Variants in LYPD6 observed in about 807,000 individuals in gnomAD.
LYPD6 encodes the protein LY6/PLAUR domain containing 6.
Under a neutral mutation model 22.7 loss-of-function variants are expected in LYPD6, and 15 were observed. That is an observed-to-expected ratio of 0.66 (90% CI 0.44 to 1.02). The LOEUF (loss-of-function observed/expected upper bound fraction) is 1.02. Ranked by LOEUF, LYPD6 falls within the 50% of genes least tolerant of loss-of-function variation. The pLI is 0.00. For missense variants in LYPD6, 189 were observed against 208.4 expected (o/e 0.91, Z 0.57); for synonymous variants, 72 against 77.5 (o/e 0.93, Z 0.37).
chr2:149,403,180 G>A (rs888905676), intron 1 of LYPD6, among the ~76,000 whole-genome samples: 8 of 152,074 alleles, frequency 5.3e-5, no homozygotes, highest in South Asian at 2.1e-4. Flanking sequence ...GAATAGTGCC[G>A]CAGTAAACAT....
chr2:149,373,623 T>A (rs1047120755), intron 1 of LYPD6, among the ~76,000 whole-genome samples: 1 of 151,834 alleles, frequency 6.6e-6, no homozygotes, highest in Non-Finnish European at 1.5e-5. Flanking sequence ...TGTTGAGGAG[T>A]CAAGTAAGTG....
intron 1 of LYPD6, among the ~76,000 whole-genome samples, chr2:149,436,698 C>T (rs1389780520): frequency 6.6e-6 from 1 of 152,118 alleles, no homozygotes; most frequent in Non-Finnish European, 1.5e-5. Flanking sequence ...TCCTGCCTCA[C>T]CCTCCCGAGA....
rs1196695 is a variant in LYPD6 at position 149,347,950 on chromosome 2, T to G, written c.-72+17228T>G. On this transcript the variant is annotated intron_variant, in intron 1 of 4. Coordinates refer to ENST00000334166, the MANE Select transcript of LYPD6 (RefSeq NM_194317.5). ...ATAGAGTGGAGCTGGGCGTGGTGGC[T>G]CAAGCCTGTAATCCCAGCATTTTGG... Among the ~76,000 whole-genome samples the G allele has an allele frequency of 2.6e-3, 394 of 150,168 alleles. 4 individuals carry two copies. Among genetic ancestry groups the G allele is most frequent in the African/African-American group, 9.0e-3 (369 of 40,848 alleles).
chr2:149,366,393 C>T (rs904204387), intron 1 of LYPD6, among the ~76,000 whole-genome samples: 1 of 152,144 alleles, frequency 6.6e-6, no homozygotes, highest in African/African-American at 2.4e-5. Flanking sequence ...TGACTGGTTG[C>T]CACCAACTCT....
At chr2:149,479,347 T>C in the LYPD6 span, among the ~76,000 whole-genome samples, 2 of 152,226 alleles carry the variant, frequency 1.3e-5, no homozygotes, top group African/African-American at 4.8e-5. Flanking sequence ...ATGCCTGTTA[T>C]TTAAGTTTCC....
chr2:149,364,748 G>T, intron 1 of LYPD6, among the ~76,000 whole-genome samples: 2 of 152,082 alleles, frequency 1.3e-5, no homozygotes, highest in Middle Eastern at 6.8e-3. Flanking sequence ...ACAAGAAAAA[G>T]ATACATATTA....
intron 1 of LYPD6, among the ~76,000 whole-genome samples, chr2:149,394,815 C>G (rs560741291): frequency 6.5e-4 from 99 of 152,198 alleles, no homozygotes; most frequent in African/African-American, 2.3e-3. Flanking sequence ...GTTGAACAGC[C>G]TAGTTTGTAG....
intron 1 of LYPD6, among the ~76,000 whole-genome samples, chr2:149,407,655 C>T (rs1251071108): frequency 6.6e-6 from 1 of 152,080 alleles, no homozygotes; most frequent in Non-Finnish European, 1.5e-5. Context: ...TCAAACTTTT[C>T]AACTTCTTTG....
chr2:149,408,707 TC>T (rs35092926), intron 1 of LYPD6, among the ~76,000 whole-genome samples: 1 of 152,220 alleles, frequency 6.6e-6, no homozygotes, highest in Non-Finnish European at 1.5e-5. Context: ...TGTGAAGACT[TC>T]CCAGTGCATT....
Position 149,420,952 on chromosome 2 carries a change from G to A in LYPD6, c.-71-16686G>A, listed in dbSNP as rs143536306. Among the ~76,000 whole-genome samples the A allele has an allele frequency of 5.2e-3, 796 of 152,268 alleles. 3 individuals carry two copies. The highest frequency in any genetic ancestry group is 8.2e-3 in the Non-Finnish European group (558 of 68,022). ...TGTTGCAAGTTAGAATCACCTGGAG[G>A]ATTCTTAAAATCCCAGTGTCAAGGT... is the stretch of plus-strand genomic sequence containing the variant. On this transcript the variant is annotated intron_variant, in intron 1 of 4. Transcript: ENST00000334166.
At chr2:149,470,654 CATT>C (rs1165518115) in intron 4 of LYPD6, 26 bp from the exon 5 acceptor site, 1 of 1,600,246 alleles carries the variant, frequency 6.2e-7, no homozygotes, top group Non-Finnish European at 8.6e-7. Flanking sequence ...GCTGGCTTCT[CATT>C]ATCTTTTTTT....
chr2:149,418,450 G>T (rs986947794), intron 1 of LYPD6, among the ~76,000 whole-genome samples: 3 of 152,176 alleles, frequency 2.0e-5, no homozygotes, highest in African/African-American at 7.2e-5. Flanking sequence ...GTAATAATAA[G>T]AAGTTGAAAT....
intron 1 of LYPD6, among the ~76,000 whole-genome samples, chr2:149,434,058 G>C (rs191192755): frequency 3.0e-4 from 45 of 152,202 alleles, no homozygotes; most frequent in African/African-American, 1.0e-3. Flanking sequence ...ATGGTGGTTT[G>C]CTGCACCTGT....
chr2:149,463,425 T>C (rs1259621897), intron 3 of LYPD6, among the ~76,000 whole-genome samples: 1 of 152,148 alleles, frequency 6.6e-6, no homozygotes, highest in Non-Finnish European at 1.5e-5. Flanking sequence ...CTCAATACGT[T>C]GTTGGTAGGA....
intron 1 of LYPD6, among the ~76,000 whole-genome samples, chr2:149,410,205 A>G (rs1191983070): frequency 1.3e-5 from 2 of 152,242 alleles, no homozygotes; most frequent in Non-Finnish European, 2.9e-5. Flanking sequence ...TCTAATTTTT[A>G]TAAAAATTCC....
At chr2:149,340,481 G>A (rs1201913054) in intron 1 of LYPD6, among the ~76,000 whole-genome samples, 4 of 152,120 alleles carry the variant, frequency 2.6e-5, no homozygotes, top group African/African-American at 4.8e-5. Flanking sequence ...CAATGTAGAG[G>A]GAAGGTTGGA....
At chr2:149,465,211 C>T (rs1681174509) in intron 3 of LYPD6, among the ~76,000 whole-genome samples, 2 of 152,098 alleles carry the variant, frequency 1.3e-5, no homozygotes, top group African/African-American at 4.8e-5. Flanking sequence ...ACTCTGAAGT[C>T]TAGGATGGAG....
At chr2:149,408,815 G>T (rs141160955) in intron 1 of LYPD6, among the ~76,000 whole-genome samples, 1 of 152,022 alleles carries the variant, frequency 6.6e-6, no homozygotes, top group African/African-American at 2.4e-5. Context: ...TTTATATCCC[G>T]TACCATGTTT....
At chr2:149,350,544 T>C (rs1227190296) in intron 1 of LYPD6, among the ~76,000 whole-genome samples, 3 of 152,156 alleles carry the variant, frequency 2.0e-5, no homozygotes, top group African/African-American at 7.2e-5. Context: ...AAGGGGTTTA[T>C]AAAGAAACCC....
Sources: gnomAD v4.1 joint callset for allele counts (sites outside exome capture counted in the v4.1 genomes callset) on GRCh38, gnomAD v4.1.1 for gene constraint, MANE v1.5 for transcripts, NCBI Gene and HGNC (gene_info 2026-07-23, HGNC 2026-07-21) for gene names.